Variants in CDH10 observed in about 807,000 individuals in gnomAD.
The protein encoded by CDH10 is cadherin 10.
CDH10 carries 30 observed loss-of-function variants against 73.1 expected under a neutral mutation model. The observed-to-expected ratio is 0.41, with a 90% CI of 0.31 to 0.56. CDH10 has a LOEUF of 0.56. Ranked by LOEUF, CDH10 falls within the 20% of genes least tolerant of loss-of-function variation. The probability of loss-of-function intolerance (pLI) is 0.27; values close to 1 mark genes in which losing one functional copy is unlikely to be tolerated. For synonymous variants in CDH10, 345 were observed against 348.2 expected (o/e 0.99, Z 0.10); for missense variants, 815 against 973.7 (o/e 0.84, Z 2.17).
At chr5:24,594,751 C>T (rs1746314102) in intron 1 of CDH10, among the ~76,000 whole-genome samples, 1 of 151,870 alleles carries the variant, frequency 6.6e-6, no homozygotes, top group Admixed American at 6.6e-5. Flanking sequence ...TTAAAACCAC[C>T]CCTGACATTT....
At chr5:24,605,566 G>C (rs990821457) in intron 1 of CDH10, among the ~76,000 whole-genome samples, 2 of 152,186 alleles carry the variant, frequency 1.3e-5, no homozygotes, top group Admixed American at 1.3e-4. Context: ...GCACCAAAAA[G>C]GTTGGAGACC....
chr5:24,488,165 AC>A lies in CDH10; in HGVS notation c.1877-13del. On this transcript the variant is annotated splice_polypyrimidine_tract_variant and intron_variant, in intron 11 of 11. Coordinates refer to ENST00000264463, the MANE Select transcript of CDH10 (RefSeq NM_006727.5). ...CAGTACTACTATAACTTGAAAAAAGACAAGAAGATACATTAGACGTCCGTTC... is the reference window on the plus strand; with the variant it reads ...CAGTACTACTATAACTTGAAAAAAGAAAGAAGATACATTAGACGTCCGTTC... The A allele has an allele frequency of 6.3e-7, 1 of 1,585,598 alleles. No homozygotes were observed.
chr5:24,566,202 C>T (rs980761979), intron 2 of CDH10, among the ~76,000 whole-genome samples: 1 of 152,026 alleles, frequency 6.6e-6, no homozygotes, highest in Admixed American at 6.5e-5. Flanking sequence ...ACATGCACCA[C>T]CACACCTGGC....
chr5:24,536,429 T>G (rs921764218), intron 3 of CDH10, among the ~76,000 whole-genome samples: 1 of 152,042 alleles, frequency 6.6e-6, no homozygotes, highest in Non-Finnish European at 1.5e-5. Flanking sequence ...ACAATGCTTT[T>G]GAGAAATGTA....
At chr5:24,490,580 T>C (rs575959347) in intron 11 of CDH10, among the ~76,000 whole-genome samples, 2 of 152,246 alleles carry the variant, frequency 1.3e-5, no homozygotes, top group South Asian at 4.1e-4. Flanking sequence ...ATAAATGCTA[T>C]GATAAAAGTA....
intron 5 of CDH10, among the ~76,000 whole-genome samples, chr5:24,524,134 C>T (rs559552605): frequency 5.7e-4 from 87 of 152,148 alleles, no homozygotes; most frequent in African/African-American, 1.5e-3. Flanking sequence ...AGAAGTTAAT[C>T]GTGCTTTCTC....
At chr5:24,594,432 AT>A (rs113385096) in intron 1 of CDH10, among the ~76,000 whole-genome samples, 4 of 150,976 alleles carry the variant, frequency 2.6e-5, no homozygotes, top group Non-Finnish European at 4.4e-5. Context: ...AGATCATGTC[AT>A]TTTTTTTTCC....
At chr5:24,520,135 G>A (rs566084639) in intron 5 of CDH10, among the ~76,000 whole-genome samples, 4 of 152,162 alleles carry the variant, frequency 2.6e-5, no homozygotes, top group African/African-American at 7.2e-5. Context: ...CAAATTCTGC[G>A]GTACTGGAGG....
intron 5 of CDH10, among the ~76,000 whole-genome samples, chr5:24,516,070 A>G (rs759643815): frequency 6.6e-6 from 1 of 152,186 alleles, no homozygotes; most frequent in Non-Finnish European, 1.5e-5. Flanking sequence ...ATGAAAACAG[A>G]CTAATACAAT....
At chr5:24,599,894 T>C (rs1746502457) in intron 1 of CDH10, among the ~76,000 whole-genome samples, 2 of 152,118 alleles carry the variant, frequency 1.3e-5, no homozygotes. Context: ...AACCCACTTT[T>C]AGATGGCCCG....
intron 2 of CDH10, among the ~76,000 whole-genome samples, chr5:24,588,962 G>A (rs1746110018): frequency 6.6e-6 from 1 of 152,114 alleles, no homozygotes; most frequent in African/African-American, 2.4e-5. Context: ...AAGTACTGCA[G>A]AAATAGGACA....
At chr5:24,539,047 C>CA (rs1710632515) in intron 2 of CDH10, among the ~76,000 whole-genome samples, 1 of 151,898 alleles carries the variant, frequency 6.6e-6, no homozygotes, top group Admixed American at 6.6e-5. Context: ...TTAATTTCTA[C>CA]AAAAATATTT....
At chr5:24,549,050 G>A (rs1744449949) in intron 2 of CDH10, among the ~76,000 whole-genome samples, 1 of 152,058 alleles carries the variant, frequency 6.6e-6, no homozygotes, top group South Asian at 2.1e-4. Context: ...CAACAGAGAG[G>A]TTTTACAGCA....
intron 1 of CDH10, among the ~76,000 whole-genome samples, chr5:24,628,663 T>A (rs893375650): frequency 2.6e-5 from 4 of 152,146 alleles, no homozygotes; most frequent in Admixed American, 1.3e-4. Flanking sequence ...TTTTATAAAC[T>A]TTTTCATTAT....
At chr5:24,492,768 T>C (rs1479239397) in intron 10 of CDH10, 49 bp downstream of exon 10, 5 of 796,156 alleles carry the variant, frequency 6.3e-6, no homozygotes, top group Admixed American at 5.3e-5. Flanking sequence ...CTCGGGAAAT[T>C]TCCTGTTAAT....
intron 1 of CDH10, among the ~76,000 whole-genome samples, chr5:24,644,126 G>A (rs1297121537): frequency 6.6e-6 from 1 of 152,060 alleles, no homozygotes; most frequent in South Asian, 2.1e-4. Flanking sequence ...TATATTGAAC[G>A]TACAATGAAC....
At chr5:24,571,822 C>T (rs1486528542) in intron 2 of CDH10, among the ~76,000 whole-genome samples, 1 of 151,932 alleles carries the variant, frequency 6.6e-6, no homozygotes, top group African/African-American at 2.4e-5. Flanking sequence ...AATACTGCAC[C>T]ATACCCGATT....
At chr5:24,589,897 A>T (rs1746142533) in intron 2 of CDH10, among the ~76,000 whole-genome samples, 1 of 152,110 alleles carries the variant, frequency 6.6e-6, no homozygotes, top group Non-Finnish European at 1.5e-5. Context: ...TTCACTACGG[A>T]GGTAACATAT....
In CDH10 at chr5:24,511,427, T is replaced by A; in HGVS notation, c.902A>T (p.Asn301Ile). 1 of 1,607,616 alleles carries A rather than the reference T, an allele frequency of 6.2e-7. No homozygotes were observed. Among genetic ancestry groups the A allele is most frequent in the African/African-American group, 1.3e-5 (1 of 74,878 alleles). Reference sequence around the variant, plus strand: ...AATAATTCGGTATTCTACTTCAGCATTTTTCCCAGTGTCAGCATCAGTTGC... The same window carrying A: ...AATAATTCGGTATTCTACTTCAGCAATTTTCCCAGTGTCAGCATCAGTTGC... Reference protein sequence around the residue: ...VKATDADTGKNAEVEYRIIDG... With the variant: ...VKATDADTGKIAEVEYRIIDG... Residue 301 changes from asparagine (N) to isoleucine (I), a missense_variant, in exon 6 of 12, where the codon AAT becomes ATT. Physicochemically the swap from Asn to Ile is moderately radical, Grantham distance 149. Transcript: ENST00000264463.
Sources: gnomAD v4.1 joint callset for allele counts (sites outside exome capture counted in the v4.1 genomes callset) on GRCh38, gnomAD v4.1.1 for gene constraint, MANE v1.5 for transcripts, NCBI Gene and HGNC (gene_info 2026-07-23, HGNC 2026-07-21) for gene names.